Variants in VWA3B observed in about 807,000 individuals in gnomAD.
VWA3B encodes von Willebrand factor A domain-containing protein 3B.
Under a neutral mutation model 158.3 loss-of-function variants are expected in VWA3B, and 138 were observed. The observed-to-expected ratio is 0.87, with a 90% CI of 0.76 to 1.00. The LOEUF is 1.00. Ranked by LOEUF, VWA3B falls within the 50% of genes least tolerant of loss-of-function variation. The pLI is 0.00. For missense variants in VWA3B, 1,555 were observed against 1,565.1 expected, an observed-to-expected ratio of 0.99 and a Z score of 0.11; for synonymous variants, 596 against 587.3, an observed-to-expected ratio of 1.01 and a Z score of -0.21.
intron 14 of VWA3B, among the ~76,000 whole-genome samples, chr2:98,227,361 A>G (rs1375475246): frequency 6.6e-6 from 1 of 152,146 alleles, no homozygotes; most frequent in Non-Finnish European, 1.5e-5. Flanking sequence ...CCTTAACATC[A>G]CAAACCACAT....
At chr2:98,176,110 A>G (rs1050074877) in intron 8 of VWA3B, among the ~76,000 whole-genome samples, 2 of 152,154 alleles carry the variant, frequency 1.3e-5, no homozygotes. Flanking sequence ...CAGCTGCTCC[A>G]TGCTGAACCG....
chr2:98,262,881 A>G (rs1687571356), intron 21 of VWA3B, among the ~76,000 whole-genome samples: 1 of 151,928 alleles, frequency 6.6e-6, no homozygotes, highest in Non-Finnish European at 1.5e-5. Flanking sequence ...GGTAGTATGG[A>G]CATTTTAACA....
intron 2 of VWA3B, among the ~76,000 whole-genome samples, chr2:98,103,127 T>A (rs1054356851): frequency 5.3e-5 from 8 of 152,190 alleles, no homozygotes; most frequent in Non-Finnish European, 7.4e-5. Context: ...GCCTGTAGGA[T>A]CTGTAGTGAT....
intron 22 of VWA3B, among the ~76,000 whole-genome samples, chr2:98,284,034 GT>G (rs1377589954): frequency 1.3e-5 from 2 of 152,222 alleles, no homozygotes; most frequent in Non-Finnish European, 2.9e-5. Context: ...ACCAGTGATG[GT>G]GAATTCTCTT....
chr2:98,257,477 C>A (rs1490445886), intron 21 of VWA3B, among the ~76,000 whole-genome samples: 1 of 151,840 alleles, frequency 6.6e-6, no homozygotes, highest in Non-Finnish European at 1.5e-5. Context: ...GATAAATATC[C>A]AGTAGTGAGA....
the VWA3B span, among the ~76,000 whole-genome samples, chr2:98,320,590 T>G: frequency 5.3e-5 from 8 of 152,196 alleles, no homozygotes; most frequent in Non-Finnish European, 1.0e-4. Flanking sequence ...TGTGGTGGAC[T>G]CAGATGGAGA....
chr2:98,217,196 A>T (rs78500016), intron 13 of VWA3B, among the ~76,000 whole-genome samples: 10,699 of 152,114 alleles, frequency 0.07, 466 homozygotes, highest in Non-Finnish European at 0.1. Flanking sequence ...CAGAGCTTTG[A>T]AGAGCACAAT....
At chr2:98,251,956 G>A (rs537207216) in intron 20 of VWA3B, among the ~76,000 whole-genome samples, 9 of 152,254 alleles carry the variant, frequency 5.9e-5, no homozygotes, top group African/African-American at 1.9e-4. Flanking sequence ...ATTTCTTTGG[G>A]AAGCAGGATG....
At chr2:98,128,485 C>A (rs762717696) in intron 6 of VWA3B, 77 bp downstream of exon 6, 161 of 1,496,652 alleles carry the variant, frequency 1.1e-4, no homozygotes, top group Non-Finnish European at 1.4e-4. Flanking sequence ...GTCTTGCATT[C>A]TTCGTGGCTT....
intron 23 of VWA3B, among the ~76,000 whole-genome samples, chr2:98,296,433 T>G (rs1689804560): frequency 1.3e-5 from 2 of 152,202 alleles, no homozygotes; most frequent in Admixed American, 1.3e-4. Flanking sequence ...AATGTGTAAA[T>G]ATTTCAAAAC....
downstream of VWA3B, among the ~76,000 whole-genome samples, chr2:98,316,031 T>C (rs1691078362): frequency 6.6e-6 from 1 of 152,228 alleles, no homozygotes; most frequent in Non-Finnish European, 1.5e-5. Context: ...TACTGAATCA[T>C]TTTTCCTAGG....
chr2:98,287,081 G>A (rs918565064), intron 22 of VWA3B, among the ~76,000 whole-genome samples: 2 of 152,126 alleles, frequency 1.3e-5, no homozygotes, highest in South Asian at 2.1e-4. Context: ...GGATTGCTTG[G>A]TGACTGAGGT....
intron 7 of VWA3B, among the ~76,000 whole-genome samples, chr2:98,147,790 T>C (rs981438366): frequency 1.3e-5 from 2 of 152,118 alleles, no homozygotes; most frequent in African/African-American, 4.8e-5. Context: ...CATGTTGGTG[T>C]GCTGCACCCA....
At chr2:98,157,323 A>G (rs1236012303) in intron 7 of VWA3B, among the ~76,000 whole-genome samples, 1 of 152,208 alleles carries the variant, frequency 6.6e-6, no homozygotes, top group African/African-American at 2.4e-5. Context: ...TAATTTCCAT[A>G]GGGTGGGACT....
At chr2:98,160,689 AGTCT>A (rs1439416538) in intron 7 of VWA3B, among the ~76,000 whole-genome samples, 1 of 152,230 alleles carries the variant, frequency 6.6e-6, no homozygotes, top group Non-Finnish European at 1.5e-5. Context: ...AGCAGCTGGC[AGTCT>A]GTCTTGATTT....
At chr2:98,181,660 G>C (rs1680591409) in intron 9 of VWA3B, among the ~76,000 whole-genome samples, 1 of 152,132 alleles carries the variant, frequency 6.6e-6, no homozygotes, top group Non-Finnish European at 1.5e-5. Flanking sequence ...CAGCAAATAA[G>C]GAGTCAGATC....
intron 12 of VWA3B, chr2:98,206,570 A>C (rs1210880370): frequency 6.1e-6 from 3 of 488,442 alleles, no homozygotes; most frequent in Non-Finnish European, 1.2e-5. Flanking sequence ...TGAGACTTTG[A>C]GCAGAATCAT....
chr2:98,152,947 A>G (rs1395226915), intron 7 of VWA3B, among the ~76,000 whole-genome samples: 3 of 152,232 alleles, frequency 2.0e-5, no homozygotes, highest in Non-Finnish European at 4.4e-5. Flanking sequence ...AGGTGGTTTC[A>G]TGTATACAAC....
At chr2:98,122,336 T>C (rs1481448824) in intron 5 of VWA3B, among the ~76,000 whole-genome samples, 1 of 152,188 alleles carries the variant, frequency 6.6e-6, no homozygotes, top group Non-Finnish European at 1.5e-5. Context: ...GGTTTCAGAC[T>C]TTACCCAGCT....
Sources: gnomAD v4.1 joint callset for allele counts (sites outside exome capture counted in the v4.1 genomes callset) on GRCh38, gnomAD v4.1.1 for gene constraint, MANE v1.5 for transcripts, NCBI Gene and HGNC (gene_info 2026-07-23, HGNC 2026-07-21) for gene names.